The following PROZ variants were observed in gnomAD, a reference collection of about 807,000 sequenced individuals.
PROZ encodes the protein vitamin K-dependent protein Z.
Under a neutral mutation model 34.9 loss-of-function variants are expected in PROZ, and 46 were observed. The observed-to-expected ratio is 1.32, with a 90% CI of 1.04 to 1.69. The LOEUF (loss-of-function observed/expected upper bound fraction) is 1.69, where lower values mean the gene tolerates loss of function less well. PROZ is among the 40% of genes most tolerant of loss of function. PROZ has a pLI of 0.00. For synonymous variants in PROZ, 195 were observed against 208.5 expected, an observed-to-expected ratio of 0.94 and a Z score of 0.56; for missense variants, 530 against 520.4, an observed-to-expected ratio of 1.02 and a Z score of -0.18.
intron 6 of PROZ, among the ~76,000 whole-genome samples, chr13:113,167,629 TC>T (rs1217912555): frequency 1.4e-4 from 21 of 152,360 alleles, no homozygotes; most frequent in Admixed American, 5.2e-4. Flanking sequence ...CTTTTTCCAA[TC>T]TTCTACTTTT....
intron 4 of PROZ, 23 bp downstream of exon 4, chr13:113,163,145 C>T: frequency 1.3e-6 from 2 of 1,515,990 alleles, no homozygotes; most frequent in Non-Finnish European, 9.0e-7. Flanking sequence ...CCGTCCCCTT[C>T]CCCCAAGGGC....
At position 113,159,969 on chromosome 13, in the gene PROZ, G is replaced by A. The variant is rs746143224; in HGVS notation, c.71-45G>A. On this transcript the variant is annotated intron_variant, in intron 1 of 7. Transcript: ENST00000375547. The surrounding 1 kb of genome is among the most constrained non-coding windows in gnomAD (Gnocchi z 4.6). ...GAAGCCAGGCAGCTCTGGAAAGCAG[G>A]GCCCTCGGTGCTCCCAGTCACCTGC... 8 of 1,609,894 alleles carry A rather than the reference G, an allele frequency of 5.0e-6. No individual in the cohort carries two copies. The highest frequency in any genetic ancestry group is 3.3e-5 in the South Asian group (3 of 90,962).
At chr13:113,160,295 G>T in intron 2 of PROZ, 118 bp downstream of exon 2, 1 of 1,281,538 alleles carries the variant, frequency 7.8e-7, no homozygotes, top group Non-Finnish European at 1.1e-6. Flanking sequence ...TACCGATGAG[G>T]TTGACACAAT....
chr13:113,168,638 G>C (rs1349404318), intron 6 of PROZ, among the ~76,000 whole-genome samples: 2 of 152,176 alleles, frequency 1.3e-5, no homozygotes, highest in Non-Finnish European at 2.9e-5. Context: ...ATTATACTGT[G>C]TATTGTTTTC....
chr13:113,171,648 T>G lies in PROZ; in HGVS notation c.746T>G (p.Val249Gly). The change falls in exon 8 of 8, where the codon GTG becomes GGG. Residue 249 changes from valine to glycine, a missense_variant. Coordinates refer to ENST00000375547, the MANE Select transcript of PROZ (RefSeq NM_003891.3). The surrounding 1 kb of genome is among the most constrained non-coding windows in gnomAD (Gnocchi z 5.1). Reference sequence around the variant, plus strand: ...ATGATCAAGATAACGCACGTCCATGTGCACATGCGGTATGACGCGGACGCG... The same window carrying G: ...ATGATCAAGATAACGCACGTCCATGGGCACATGCGGTATGACGCGGACGCG... Reference protein sequence around the residue: ...PLMIKITHVHVHMRYDADAGE... With the variant: ...PLMIKITHVHGHMRYDADAGE... 6.2e-7 allele frequency: 1 copy of G among 1,614,170 alleles called. No homozygotes were observed. The highest frequency in any genetic ancestry group is 8.5e-7 in the Non-Finnish European group (1 of 1,180,048).
At chr13:113,167,625 C>G (rs2036978285) in intron 6 of PROZ, among the ~76,000 whole-genome samples, 1 of 152,096 alleles carries the variant, frequency 6.6e-6, no homozygotes. Flanking sequence ...TTATCTTTTT[C>G]CAATCTTCTA....
chr13:113,159,636 A>G lies in PROZ; in HGVS notation c.71-378A>G, dbSNP rs3794416. Reference sequence around the variant, plus strand: ...GATGTTAAATGCTGCGCACAGAGGCAGCACAGGAGCTGATGGCTCTTGGTC... The same window carrying G: ...GATGTTAAATGCTGCGCACAGAGGCGGCACAGGAGCTGATGGCTCTTGGTC... On this transcript the variant is annotated intron_variant, in intron 1 of 7. Coordinates refer to ENST00000375547, the MANE Select transcript of PROZ (RefSeq NM_003891.3). The surrounding 1 kb of genome is among the most constrained non-coding windows in gnomAD (Gnocchi z 4.6). 1.8e-4 allele frequency among the ~76,000 whole-genome samples: 28 copies of G among 152,384 alleles called. No individual in the cohort carries two copies. The East Asian group carries it at 4.2e-3, about 23-fold the overall frequency.
intron 3 of PROZ, among the ~76,000 whole-genome samples, chr13:113,161,850 C>A (rs2036770485): frequency 8.8e-6 from 1 of 113,900 alleles, no homozygotes; most frequent in Non-Finnish European, 1.9e-5. Context: ...GTCCCCCCAT[C>A]CTCCTCCTGC....
At chr13:113,160,529 C>T (rs1458436059) in intron 2 of PROZ, among the ~76,000 whole-genome samples, 2 of 152,162 alleles carry the variant, frequency 1.3e-5, no homozygotes, top group Non-Finnish European at 2.9e-5. Context: ...CTAAGTGTCC[C>T]CACTCCCTAC....
Position 113,159,237 on chromosome 13 carries a change from T to A in PROZ, c.70+507T>A. 6.5e-7 allele frequency: 1 copy of A among 1,549,062 alleles called. No individual in the cohort carries two copies. Among genetic ancestry groups the A allele is most frequent in the Non-Finnish European group, 8.7e-7 (1 of 1,145,402 alleles). On this transcript the variant is annotated intron_variant, in intron 1 of 7. Coordinates refer to ENST00000375547, the MANE Select transcript of PROZ (RefSeq NM_003891.3). The surrounding 1 kb of genome is among the most constrained non-coding windows in gnomAD (Gnocchi z 4.6). The stretch of plus-strand genomic sequence containing the variant: ...GGAACGACATGGACTCCATTCTGAC[T>A]CTGCCTGCACAGGCGTCCAGGAAAG...
In PROZ at chr13:113,171,696, T is replaced by C; in HGVS notation, c.794T>C (p.Leu265Pro). 1.2e-6 allele frequency: 2 copies of C among 1,613,876 alleles called. No homozygotes were observed. Among genetic ancestry groups the C allele is most frequent in the Non-Finnish European group, 8.5e-7 (1 of 1,179,944 alleles). ...GCGGGGGAGAATGACCTGTCACTGC[T>C]GGAGCTGGAGTGGCCCATCCAGTGC... Reference protein sequence around the residue: ...ADAGENDLSLLELEWPIQCPG... With the variant: ...ADAGENDLSLPELEWPIQCPG... Residue 265 changes from leucine (L) to proline (P), a missense_variant, in exon 8 of 8, where the codon CTG becomes CCG. Leu to Pro is a moderately conservative substitution (Grantham distance 98). Transcript: ENST00000375547. The surrounding 1 kb of genome is among the most constrained non-coding windows in gnomAD (Gnocchi z 5.1).
chr13:113,165,097 G>C lies in PROZ; in HGVS notation c.550G>C (p.Asp184His), dbSNP rs896261188. The change falls in exon 6 of 8, where the codon GAT becomes CAT. Residue 184 changes from aspartate to histidine, a missense_variant. Physicochemically the swap from Asp to His is moderately conservative, Grantham distance 81. Transcript: ENST00000375547. ...GVLTSEKRAP[D>H]LQDLPWQVKL... Reference sequence around the variant, plus strand: ...GCTGACCTCTGAGAAGCGTGCACCGGATCTACAGGACCTCCCGTGGCAGGT... The same window carrying C: ...GCTGACCTCTGAGAAGCGTGCACCGCATCTACAGGACCTCCCGTGGCAGGT... 1.2e-6 allele frequency: 2 copies of C among 1,612,478 alleles called. No individual in the cohort carries two copies. The highest frequency in any genetic ancestry group is 1.3e-5 in the African/African-American group (1 of 75,032).
At position 113,171,048 on chromosome 13, in the gene PROZ, G is replaced by A. The variant is rs553903483; in HGVS notation, c.691+518G>A. Among the ~76,000 whole-genome samples the A allele has an allele frequency of 1.3e-5, 2 of 151,686 alleles. No individual in the cohort carries two copies. Among genetic ancestry groups the A allele is most frequent in the South Asian group, 2.1e-4 (1 of 4,792 alleles). Reference sequence around the variant, plus strand: ...AGCGATTCTCATGCCTCAGCCTCCCGAGTAGCTGGGACTACAGGCATGCAC... The same window carrying A: ...AGCGATTCTCATGCCTCAGCCTCCCAAGTAGCTGGGACTACAGGCATGCAC... On this transcript the variant is annotated intron_variant, in intron 7 of 7. Transcript: ENST00000375547. This position sits in a 1 kb window ranked among gnomAD's most constrained non-coding sequence, Gnocchi z 5.1.
intron 7 of PROZ, among the ~76,000 whole-genome samples, 168 bp downstream of exon 7, chr13:113,170,698 C>A (rs991037129): frequency 6.6e-6 from 1 of 152,030 alleles, no homozygotes; most frequent in African/African-American, 2.4e-5. Context: ...ATGTAAAATA[C>A]CAGCAGAAGC....
chr13:113,170,840 C>T (rs1373157415), intron 7 of PROZ, among the ~76,000 whole-genome samples: 2 of 151,920 alleles, frequency 1.3e-5, no homozygotes, highest in Non-Finnish European at 2.9e-5. Flanking sequence ...GGCTAAAAAT[C>T]GGAAGAATGG....
intron 6 of PROZ, among the ~76,000 whole-genome samples, chr13:113,169,866 TG>T (rs1347526258): frequency 2.0e-5 from 3 of 152,254 alleles, no homozygotes; most frequent in Non-Finnish European, 2.9e-5. Flanking sequence ...GCTAGGCATG[TG>T]GCCATCCTCC....
Position 113,171,820 on chromosome 13 carries a change from T to A in PROZ, c.918T>A (p.Asn306Lys). The A allele has an allele frequency of 6.2e-7, 1 of 1,613,548 alleles. No individual in the cohort carries two copies. The highest frequency in any genetic ancestry group is 1.7e-5 in the Admixed American group (1 of 60,020). ...TRGLLSGWARNGTDLGNSLTT... is the reference protein window; with the variant it reads ...TRGLLSGWARKGTDLGNSLTT... ...GCCTCCTCAGCGGCTGGGCACGCAA[T>A]GGCACTGACCTGGGCAACTCGCTGA... Residue 306 changes from asparagine to lysine, a missense_variant, in exon 8 of 8, where the codon AAT becomes AAA. Coordinates refer to ENST00000375547, the MANE Select transcript of PROZ (RefSeq NM_003891.3). This position sits in a 1 kb window ranked among gnomAD's most constrained non-coding sequence, Gnocchi z 5.1.
chr13:113,159,907 AGACGGAC>A lies in PROZ; in HGVS notation c.71-105_71-99del, dbSNP rs1373697105. The A allele has an allele frequency of 1.5e-6, 2 of 1,362,562 alleles. No homozygotes were observed. Among genetic ancestry groups the A allele is most frequent in the Admixed American group, 3.4e-5 (2 of 59,556 alleles). 84.4% of individuals were successfully genotyped at this position (1,362,562 alleles called of 1,614,324 possible). ...GCCCTCGCAGGCTGAGAGCCTGTGG[AGACGGAC>A]GGGGCTGGGGCTGGCGGCCGGCCGG... On this transcript the variant is annotated intron_variant, in intron 1 of 7. Coordinates refer to ENST00000375547, the MANE Select transcript of PROZ (RefSeq NM_003891.3). This position sits in a 1 kb window ranked among gnomAD's most constrained non-coding sequence, Gnocchi z 4.6.
At chr13:113,163,627 C>T (rs1049469274) in intron 4 of PROZ, among the ~76,000 whole-genome samples, 4 of 152,160 alleles carry the variant, frequency 2.6e-5, no homozygotes, top group East Asian at 1.9e-4. Context: ...TCCTCCCAGC[C>T]GAGCCCTCTC....
Sources: allele counts gnomAD v4.1 joint callset (sites outside exome capture counted in the v4.1 genomes callset), GRCh38; gene constraint gnomAD v4.1.1; non-coding constraint Gnocchi (gnomAD v3.1); transcripts MANE v1.5; gene names NCBI Gene and HGNC (gene_info 2026-07-23, HGNC 2026-07-21).